The following DTNA variants were observed in gnomAD, a reference collection of about 807,000 sequenced individuals.
DTNA encodes dystrophin-related protein 3.
Under a neutral mutation model 100.7 loss-of-function variants are expected in DTNA, and 43 were observed. The observed-to-expected ratio is 0.43, with a 90% confidence interval of 0.33 to 0.55. DTNA has a LOEUF of 0.55. Among genes scored for constraint, DTNA ranks in the 20% least tolerant of loss-of-function variants. The pLI is 0.04. For synonymous variants in DTNA, 349 were observed against 347.9 expected, an observed-to-expected ratio of 1.00 and a Z score of -0.04; for missense variants, 798 against 953.9, an observed-to-expected ratio of 0.84 and a Z score of 2.15.
chr18:34,825,923 C>G lies in DTNA; in HGVS notation c.1002-1670C>G, dbSNP rs74645598. On this transcript the variant is annotated intron_variant, in intron 9 of 22. Coordinates refer to ENST00000444659, the MANE Select transcript of DTNA (RefSeq NM_001386795.1). The stretch of plus-strand genomic sequence containing the variant: ...CTGTTTTAAAATCTAACAGACCAAA[C>G]TTTTCATAATTCACAGAGGACATTT... Among the ~76,000 whole-genome samples, 1,267 of 152,226 alleles carry G rather than the reference C, an allele frequency of 8.3e-3. 20 individuals are homozygous for G. The highest frequency in any genetic ancestry group is 0.028 in the African/African-American group (1,144 of 41,538).
intron 3 of DTNA, among the ~76,000 whole-genome samples, chr18:34,779,970 C>G (rs1204387155): frequency 6.6e-6 from 1 of 152,120 alleles, no homozygotes; most frequent in Non-Finnish European, 1.5e-5. Flanking sequence ...GATAGTGGAT[C>G]TACTATCAAA....
chr18:34,586,413 G>GT (rs1219133698), intron 1 of DTNA, among the ~76,000 whole-genome samples: 70 of 145,700 alleles, frequency 4.8e-4, no homozygotes, highest in South Asian at 3.0e-3. Context: ...TTTTGTTTTT[G>GT]TTTTTTTTTG....
chr18:34,541,861 C>T (rs2044276493), intron 1 of DTNA, among the ~76,000 whole-genome samples: 1 of 151,914 alleles, frequency 6.6e-6, no homozygotes, highest in Admixed American at 6.6e-5. Flanking sequence ...TGATTGTGAC[C>T]AGAGTAAAAA....
At chr18:34,640,290 C>G (rs1421828521) in intron 1 of DTNA, among the ~76,000 whole-genome samples, 1 of 152,162 alleles carries the variant, frequency 6.6e-6, no homozygotes, top group East Asian at 1.9e-4. Flanking sequence ...CCTCTGAGTT[C>G]TGTCTCCTTT....
At position 34,671,538 on chromosome 18, in the gene DTNA, G is replaced by A. The variant is rs140044363; in HGVS notation, c.-1-84438G>A. 4.6e-3 allele frequency among the ~76,000 whole-genome samples: 701 copies of A among 152,290 alleles called. 5 individuals are homozygous for A. The highest frequency in any genetic ancestry group is 0.016 in the African/African-American group (652 of 41,564). The stretch of plus-strand genomic sequence containing the variant: ...CTATTTGGCCATCTTCAAGAATGAT[G>A]TTTAAAAATGTGGAATTGCATGTGC... On this transcript the variant is annotated intron_variant, in intron 1 of 19. Coordinates refer to the DTNA transcript ENST00000283365.
intron 1 of DTNA, among the ~76,000 whole-genome samples, chr18:34,509,825 C>T (rs2040856612): frequency 6.6e-6 from 1 of 152,018 alleles, no homozygotes; most frequent in African/African-American, 2.4e-5. Context: ...TAAAAGTTCT[C>T]TAAATACCTT....
chr18:34,700,814 T>C (rs1346531733), intron 1 of DTNA, among the ~76,000 whole-genome samples: 1 of 152,206 alleles, frequency 6.6e-6, no homozygotes, highest in East Asian at 1.9e-4. Flanking sequence ...TCCCACTCCG[T>C]GTCTGAGCTA....
At chr18:34,675,629 A>C (rs2077312424) in intron 1 of DTNA, among the ~76,000 whole-genome samples, 1 of 152,222 alleles carries the variant, frequency 6.6e-6, no homozygotes, top group Non-Finnish European at 1.5e-5. Flanking sequence ...CTTGCTAGTT[A>C]ATCTTGTATT....
chr18:34,553,841 G>C (rs2045725381), intron 1 of DTNA, among the ~76,000 whole-genome samples: 1 of 152,150 alleles, frequency 6.6e-6, no homozygotes, highest in Non-Finnish European at 1.5e-5. Flanking sequence ...TTTGGCTTAG[G>C]ATTGCCTTGG....
chr18:34,574,899 A>G (rs1568686210), intron 1 of DTNA, among the ~76,000 whole-genome samples: 1 of 152,204 alleles, frequency 6.6e-6, no homozygotes, highest in East Asian at 1.9e-4. Flanking sequence ...TAAGCCTAGA[A>G]ATACCTCTTC....
At chr18:34,604,744 G>A (rs780443680) in intron 1 of DTNA, among the ~76,000 whole-genome samples, 7 of 151,986 alleles carry the variant, frequency 4.6e-5, no homozygotes, top group Non-Finnish European at 1.0e-4. Flanking sequence ...TGAGGGAAAT[G>A]TTTAACTTAA....
chr18:34,511,670 A>G (rs954979783), intron 1 of DTNA, among the ~76,000 whole-genome samples: 1 of 152,084 alleles, frequency 6.6e-6, no homozygotes, highest in Non-Finnish European at 1.5e-5. Flanking sequence ...TATCATGGTC[A>G]GAACCTTGTG....
Position 34,820,870 on chromosome 18 carries a change from T to C in DTNA, c.956T>C (p.Met319Thr). The C allele has an allele frequency of 3.1e-6, 5 of 1,614,144 alleles. No homozygotes were observed. Among genetic ancestry groups the C allele is most frequent in the Non-Finnish European group, 4.2e-6 (5 of 1,180,010 alleles). The part of the protein sequence containing the change: ...CASSREPLHP[M>T]FPDQPEKPLN... ...TCCAGCCGTGAACCTTTGCACCCCA[T>C]GTTCCCAGATCAGCCTGAGAAGCCA... Residue 319 changes from methionine (M) to threonine (T), a missense_variant, in exon 9 of 23, where the codon ATG (methionine) becomes ACG (threonine). Coordinates refer to ENST00000444659, the MANE Select transcript of DTNA (RefSeq NM_001386795.1).
chr18:34,585,496 G>C (rs28498803), intron 1 of DTNA, among the ~76,000 whole-genome samples: 15,630 of 152,126 alleles, frequency 0.1, 1,157 homozygotes, highest in African/African-American at 0.21. Context: ...CTAATTAGTA[G>C]TTTATCTAAG....
At chr18:34,755,789 T>G (rs927080467) in intron 1 of DTNA, among the ~76,000 whole-genome samples, 187 bp from the exon 2 acceptor site, 1 of 152,210 alleles carries the variant, frequency 6.6e-6, no homozygotes, top group Non-Finnish European at 1.5e-5. Flanking sequence ...ACAACAATAA[T>G]ATATATGGAA....
rs747882219 is a variant in DTNA, at chr18:34,765,995, C to A, written c.102C>A (p.Thr34=). 1 of 1,613,868 alleles carries A rather than the reference C, an allele frequency of 6.2e-7. No individual in the cohort carries two copies. Among genetic ancestry groups the A allele is most frequent in the South Asian group, 1.1e-5 (1 of 91,082 alleles). Residue 34 remains threonine, a synonymous_variant, in exon 3 of 23, where the codon ACC becomes ACA. Transcript: ENST00000444659. ...ATCTGGATCGCATCCGACTCTCCAC[C>A]TACAGAACAGCATGCAAGCTTAGGT... is the stretch of plus-strand genomic sequence containing the variant. ...AQDLDRIRLS[T]YRTACKLRFV...
intron 1 of DTNA, among the ~76,000 whole-genome samples, chr18:34,698,699 G>T (rs2080948063): frequency 6.6e-6 from 1 of 152,196 alleles, no homozygotes. Context: ...GAAGAACTTG[G>T]AGTCCGATGT....
rs1328337519 is a variant in DTNA, at chr18:34,852,080, G to T, written c.1532+152G>T. On this transcript the variant is annotated intron_variant, in intron 15 of 22. Transcript: ENST00000444659. ...AGTGATGCTCACTTCCAAAAAGCTG[G>T]TCTTTAGATCTTTAGAACTTCAGAA... is the stretch of plus-strand genomic sequence containing the variant. 32 of 816,790 alleles carry T rather than the reference G, an allele frequency of 3.9e-5. No individual in the cohort carries two copies. In the East Asian group the frequency reaches 7.4e-4, roughly 19 times the overall value. The allele number at this position is 816,790 out of a possible 1,614,324, so 50.6% of individuals were successfully genotyped here. A position where few individuals can be genotyped will look rare whatever the true frequency, so the allele number is the denominator to read the frequency against.
At chr18:34,569,260 G>C (rs1174525281) in intron 1 of DTNA, among the ~76,000 whole-genome samples, 1 of 152,196 alleles carries the variant, frequency 6.6e-6, no homozygotes, top group Non-Finnish European at 1.5e-5. Flanking sequence ...AGAGGTTGCA[G>C]ATGTGAGAGA....
Sources: gnomAD v4.1 joint callset for allele counts (sites outside exome capture counted in the v4.1 genomes callset) on GRCh38, gnomAD v4.1.1 for gene constraint, MANE v1.5 for transcripts, NCBI Gene and HGNC (gene_info 2026-07-23, HGNC 2026-07-21) for gene names.